The following CDH13 variants were observed in gnomAD, a reference collection of about 807,000 sequenced individuals.
CDH13 encodes cadherin 13.
CDH13 carries 24 observed loss-of-function variants against 63.8 expected under a neutral mutation model. That is an observed-to-expected ratio of 0.38 (90% CI 0.27 to 0.53). CDH13 has a LOEUF of 0.53. CDH13 is among the 20% of genes least tolerant of loss of function. The pLI is 0.85. For synonymous variants in CDH13, 503 were observed against 355.3 expected (o/e 1.42, Z -4.67); for missense variants, 1,049 against 903.1 (o/e 1.16, Z -2.07).
intron 3 of CDH13, among the ~76,000 whole-genome samples, chr16:83,080,877 T>TTTTTTG (rs1423733507): frequency 1.9e-4 from 17 of 90,600 alleles, no homozygotes; most frequent in East Asian, 1.1e-3. Flanking sequence ...TTGTGTTTTT[T>TTTTTTG]TTTTTTTTTT....
At chr16:82,975,388 A>C (rs1311595510) in intron 2 of CDH13, among the ~76,000 whole-genome samples, 1 of 152,184 alleles carries the variant, frequency 6.6e-6, no homozygotes, top group Non-Finnish European at 1.5e-5. Context: ...TCACAGTCGT[A>C]GTCAGGCCTG....
At chr16:83,448,390 A>T (rs569243253) in intron 6 of CDH13, among the ~76,000 whole-genome samples, 1 of 152,296 alleles carries the variant, frequency 6.6e-6, no homozygotes, top group South Asian at 2.1e-4. Flanking sequence ...TCAAAGGAAG[A>T]GGGTTCAGCA....
intron 9 of CDH13, among the ~76,000 whole-genome samples, chr16:83,671,231 T>G (rs746735754): frequency 6.6e-6 from 1 of 152,190 alleles, no homozygotes; most frequent in Non-Finnish European, 1.5e-5. Flanking sequence ...AAACCAAACT[T>G]AAGTGCATTT....
intron 6 of CDH13, among the ~76,000 whole-genome samples, chr16:83,372,749 TAAAAA>T (rs35480546): frequency 2.1e-5 from 2 of 95,570 alleles, no homozygotes; most frequent in Non-Finnish European, 2.0e-5. Context: ...AGACTCGGTC[TAAAAA>T]AAAAAAAAAA....
At chr16:83,490,978 A>G (rs2074000842) in intron 7 of CDH13, among the ~76,000 whole-genome samples, 1 of 152,208 alleles carries the variant, frequency 6.6e-6, no homozygotes, top group African/African-American at 2.4e-5. Flanking sequence ...TAGGCACTGG[A>G]TAAAGATCTG....
At chr16:83,401,288 G>A (rs1025658908) in intron 6 of CDH13, among the ~76,000 whole-genome samples, 2 of 151,118 alleles carry the variant, frequency 1.3e-5, no homozygotes, top group Non-Finnish European at 2.9e-5. Context: ...GCAGTAAGCC[G>A]AGATCACGCC....
chr16:83,229,494 G>T (rs888933239), intron 5 of CDH13, among the ~76,000 whole-genome samples: 4 of 149,714 alleles, frequency 2.7e-5, no homozygotes, highest in Non-Finnish European at 3.0e-5. Context: ...AATTTTGAGG[G>T]TTTTTTTTTT....
At chr16:83,006,888 A>C (rs1487801848) in intron 2 of CDH13, among the ~76,000 whole-genome samples, 2 of 125,718 alleles carry the variant, frequency 1.6e-5, no homozygotes, top group African/African-American at 6.0e-5. Context: ...TCTTCAAAAC[A>C]CCCAGTTTTG....
At chr16:83,059,556 C>G (rs1004747703) in intron 3 of CDH13, among the ~76,000 whole-genome samples, 3 of 152,054 alleles carry the variant, frequency 2.0e-5, no homozygotes, top group Non-Finnish European at 4.4e-5. Context: ...TTGAACTCTT[C>G]GGAGATTCCA....
At chr16:82,784,993 T>G (rs1361827328) in intron 1 of CDH13, among the ~76,000 whole-genome samples, 1 of 152,056 alleles carries the variant, frequency 6.6e-6, no homozygotes, top group Non-Finnish European at 1.5e-5. Flanking sequence ...ACTCAGACAG[T>G]TAGGGCTACT....
chr16:83,188,487 A>T (rs1416171635), intron 4 of CDH13, among the ~76,000 whole-genome samples: 1 of 152,128 alleles, frequency 6.6e-6, no homozygotes, highest in Non-Finnish European at 1.5e-5. Context: ...TTTTGTAAAG[A>T]AGCCAGCCTC....
intron 3 of CDH13, among the ~76,000 whole-genome samples, chr16:83,100,823 T>TAAATTTCAGCCCTCAGCC (rs2034439303): frequency 6.6e-6 from 1 of 152,296 alleles, no homozygotes; most frequent in South Asian, 2.1e-4. Context: ...GAACACAGGG[T>TAAATTTCAGCCCTCAGCC]AAATTTCAGC....
intron 2 of CDH13, among the ~76,000 whole-genome samples, chr16:82,973,364 C>T (rs566467788): frequency 1.3e-5 from 2 of 152,322 alleles, no homozygotes; most frequent in African/African-American, 4.8e-5. Context: ...AGCTTTAAAG[C>T]CTGTTTGGGT....
chr16:83,705,371 C>T (rs1193036922), intron 10 of CDH13, among the ~76,000 whole-genome samples: 1 of 152,150 alleles, frequency 6.6e-6, no homozygotes, highest in Non-Finnish European at 1.5e-5. Flanking sequence ...GCCTGTAATC[C>T]TAGCACTTTG....
chr16:82,844,583 A>T lies in CDH13; in HGVS notation c.46-13779A>T, dbSNP rs190524874. On this transcript the variant is annotated intron_variant, in intron 1 of 13. Coordinates refer to ENST00000567109, the MANE Select transcript of CDH13 (RefSeq NM_001257.5). Reference sequence around the variant, plus strand: ...GCCACTGCACTCCAGCCTGGGCGACAGTGTGACACTCTGTCTCGGAAAAAG... The same window carrying T: ...GCCACTGCACTCCAGCCTGGGCGACTGTGTGACACTCTGTCTCGGAAAAAG... 48 of 149,456 alleles carry T rather than the reference A, an allele frequency of 3.2e-4. 1 individual carries two copies. Among genetic ancestry groups the T allele is most frequent in the African/African-American group, 1.1e-3 (45 of 40,718 alleles). 9.3% of individuals were successfully genotyped at this position (149,456 alleles called of 1,614,324 possible). A position where few individuals can be genotyped will look rare whatever the true frequency, so the allele number is the denominator to read the frequency against.
chr16:82,762,172 A>G (rs1471417373), intron 1 of CDH13, among the ~76,000 whole-genome samples: 1 of 152,118 alleles, frequency 6.6e-6, no homozygotes, highest in Non-Finnish European at 1.5e-5. Flanking sequence ...ATCGGACTTC[A>G]CCCTGCTACT....
intron 10 of CDH13, among the ~76,000 whole-genome samples, chr16:83,718,940 C>T (rs564230288): frequency 5.9e-5 from 9 of 152,286 alleles, no homozygotes; most frequent in African/African-American, 2.2e-4. Context: ...TCATCGCATT[C>T]AGCCTGCTGC....
At chr16:82,889,125 A>G (rs760759121) in intron 2 of CDH13, among the ~76,000 whole-genome samples, 7 of 152,190 alleles carry the variant, frequency 4.6e-5, no homozygotes, top group South Asian at 2.1e-4. Flanking sequence ...CTTATTTTCA[A>G]TCACAGAAAA....
At chr16:83,318,371 A>G (rs1462134327) in intron 5 of CDH13, among the ~76,000 whole-genome samples, 1 of 152,138 alleles carries the variant, frequency 6.6e-6, no homozygotes, top group Admixed American at 6.5e-5. Flanking sequence ...TCTGGCCTTC[A>G]GCTATTAATT....
Sources: gnomAD v4.1 joint callset for allele counts (sites outside exome capture counted in the v4.1 genomes callset) on GRCh38, gnomAD v4.1.1 for gene constraint, MANE v1.5 for transcripts, NCBI Gene and HGNC (gene_info 2026-07-23, HGNC 2026-07-21) for gene names.